The following TMEM163 variants were observed in gnomAD, a reference collection of about 807,000 sequenced individuals.
The protein encoded by TMEM163 is transmembrane protein 163.
Under a neutral mutation model 29.3 loss-of-function variants are expected in TMEM163, and 17 were observed. The observed-to-expected ratio is 0.58, with a 90% CI of 0.40 to 0.87. The LOEUF is 0.87. Among genes scored for constraint, TMEM163 ranks in the 40% least tolerant of loss-of-function variants. TMEM163 has a pLI of 0.00. For missense variants in TMEM163, 303 were observed against 381.5 expected (o/e 0.79, Z 1.71); for synonymous variants, 157 against 160.6 (o/e 0.98, Z 0.17).
At chr2:134,658,467 T>C (rs1012146210) in intron 2 of TMEM163, among the ~76,000 whole-genome samples, 22 of 152,158 alleles carry the variant, frequency 1.4e-4, no homozygotes, top group African/African-American at 4.8e-4. Flanking sequence ...GGACAGATCC[T>C]GGTGTTGTTC....
chr2:134,648,682 T>C (rs1426375916), intron 2 of TMEM163, among the ~76,000 whole-genome samples: 1 of 152,262 alleles, frequency 6.6e-6, no homozygotes, highest in Non-Finnish European at 1.5e-5. Flanking sequence ...AAGGAAGCGA[T>C]AACTCCACAC....
chr2:134,598,937 A>G (rs1287530489), intron 2 of TMEM163, among the ~76,000 whole-genome samples: 1 of 148,186 alleles, frequency 6.7e-6, no homozygotes, highest in Non-Finnish European at 1.5e-5. Flanking sequence ...AAAAAAAAAG[A>G]AAGAAAGAAA....
At chr2:134,572,050 G>T (rs1487261837) in intron 2 of TMEM163, among the ~76,000 whole-genome samples, 2 of 152,146 alleles carry the variant, frequency 1.3e-5, no homozygotes, top group Non-Finnish European at 2.9e-5. Context: ...TTGCAAGCAG[G>T]CTTTTCTAAG....
intron 2 of TMEM163, among the ~76,000 whole-genome samples, chr2:134,642,426 G>A (rs1274849908): frequency 2.0e-5 from 3 of 151,948 alleles, no homozygotes; most frequent in Non-Finnish European, 4.4e-5. Flanking sequence ...CACCGCGAAC[G>A]GCCACCAATC....
intron 7 of TMEM163, 29 bp from the exon 8 acceptor site, chr2:134,456,805 C>T: frequency 6.2e-7 from 1 of 1,611,254 alleles, no homozygotes. Flanking sequence ...ACAAGGTCAC[C>T]TCCATGGCAT....
At chr2:134,459,989 G>A (rs533377367) in intron 6 of TMEM163, among the ~76,000 whole-genome samples, 59 of 152,000 alleles carry the variant, frequency 3.9e-4, no homozygotes, top group Middle Eastern at 3.4e-3. Flanking sequence ...TCCGTAGATG[G>A]GGCCACCAGC....
intron 2 of TMEM163, among the ~76,000 whole-genome samples, chr2:134,659,642 G>C (rs1190245210): frequency 6.6e-6 from 1 of 152,200 alleles, no homozygotes; most frequent in African/African-American, 2.4e-5. Context: ...ACAAGTCCTT[G>C]CCCTGTCCTC....
intron 4 of TMEM163, among the ~76,000 whole-genome samples, chr2:134,508,313 G>A (rs988607906): frequency 3.3e-5 from 5 of 152,168 alleles, no homozygotes; most frequent in East Asian, 1.9e-4. Flanking sequence ...ACAGTTTAAC[G>A]TGTAATTGTT....
intron 5 of TMEM163, among the ~76,000 whole-genome samples, chr2:134,486,385 C>G (rs540354519): frequency 6.6e-6 from 1 of 152,036 alleles, no homozygotes; most frequent in South Asian, 2.1e-4. Flanking sequence ...GAATCAAACA[C>G]TTCAAAAACT....
Position 134,502,902 on chromosome 2 carries a change from A to G in TMEM163, c.554T>C (p.Val185Ala). Residue 185 changes from valine (V) to alanine (A), a missense_variant and splice_region_variant, in exon 5 of 8, where the codon GTG becomes GCG. By Grantham distance (64) the Val-to-Ala change is moderately conservative (BLOSUM62 0). Transcript: ENST00000281924. Reference sequence around the variant, plus strand: ...GTTAAGGAAGAAGAAGGACCTTACCACTTCTGGGAGCAGCCTAGTTGAGAG... The same window carrying G: ...GTTAAGGAAGAAGAAGGACCTTACCGCTTCTGGGAGCAGCCTAGTTGAGAG... ...HDLSTRLLPE[V>A]DDFLFSVSIL... 6.2e-7 allele frequency: 1 copy of G among 1,613,492 alleles called. No homozygotes were observed. Among genetic ancestry groups the G allele is most frequent in the Non-Finnish European group, 8.5e-7 (1 of 1,179,716 alleles).
intron 4 of TMEM163, among the ~76,000 whole-genome samples, chr2:134,527,704 A>G (rs999815328): frequency 1.4e-4 from 21 of 152,344 alleles, no homozygotes; most frequent in African/African-American, 5.1e-4. Context: ...GAAACCACAA[A>G]CACGGGCTGG....
chr2:134,492,686 G>A (rs749174680), intron 5 of TMEM163, among the ~76,000 whole-genome samples: 3 of 152,124 alleles, frequency 2.0e-5, no homozygotes, highest in Non-Finnish European at 4.4e-5. Context: ...TGCGTCAGTA[G>A]TGTCTACCAC....
rs933047879 is a variant in TMEM163, at chr2:134,476,371, T to C, written c.556-10146A>G. The stretch of plus-strand genomic sequence containing the variant: ...CATTCTGGGGATGATGGAAATATTC[T>C]ATATCTTCATTGTGGTGGTAGTTCT... On this transcript the variant is annotated intron_variant, in intron 5 of 7. Coordinates refer to ENST00000281924, the MANE Select transcript of TMEM163 (RefSeq NM_030923.5). Among the ~76,000 whole-genome samples the C allele has an allele frequency of 9.8e-5, 15 of 152,330 alleles. No individual in the cohort carries two copies. In the East Asian group the frequency reaches 2.3e-3, roughly 23 times the overall value.
chr2:134,534,562 A>G (rs1432516678), intron 4 of TMEM163, among the ~76,000 whole-genome samples: 1 of 151,872 alleles, frequency 6.6e-6, no homozygotes, highest in Non-Finnish European at 1.5e-5. Flanking sequence ...AACCAGCCTG[A>G]CCAACATGGT....
intron 2 of TMEM163, among the ~76,000 whole-genome samples, chr2:134,711,175 C>T (rs566331679): frequency 2.6e-5 from 4 of 152,184 alleles, no homozygotes; most frequent in South Asian, 2.1e-4. Flanking sequence ...AAAAGTCTGG[C>T]GCCATATAAA....
intron 2 of TMEM163, among the ~76,000 whole-genome samples, chr2:134,589,283 C>G (rs1259348779): frequency 6.6e-6 from 1 of 152,128 alleles, no homozygotes; most frequent in Non-Finnish European, 1.5e-5. Context: ...TGAATAGGGG[C>G]TGGGAAAAAT....
chr2:134,457,140 G>T (rs895446187), intron 7 of TMEM163, among the ~76,000 whole-genome samples: 1 of 151,760 alleles, frequency 6.6e-6, no homozygotes, highest in East Asian at 1.9e-4. Context: ...CTTTTTGGGG[G>T]CTGAATAAGT....
intron 4 of TMEM163, among the ~76,000 whole-genome samples, chr2:134,506,831 C>T (rs1679835371): frequency 6.6e-6 from 1 of 152,178 alleles, no homozygotes; most frequent in Non-Finnish European, 1.5e-5. Flanking sequence ...CGGGTGGGGG[C>T]CAAAGGGTAA....
At chr2:134,524,735 T>C (rs1680256572) in intron 4 of TMEM163, among the ~76,000 whole-genome samples, 1 of 150,530 alleles carries the variant, frequency 6.6e-6, no homozygotes, top group Non-Finnish European at 1.5e-5. Flanking sequence ...TTCCATGGTA[T>C]ATATGTACCA....
Sources: gnomAD v4.1 joint callset for allele counts (sites outside exome capture counted in the v4.1 genomes callset) on GRCh38, gnomAD v4.1.1 for gene constraint, MANE v1.5 for transcripts, NCBI Gene and HGNC (gene_info 2026-07-23, HGNC 2026-07-21) for gene names.